The following ADORA1 variants were observed in gnomAD, a reference collection of about 807,000 sequenced individuals.
The protein encoded by ADORA1 is adenosine A1 receptor.
A neutral mutation model predicts 19.9 loss-of-function variants in ADORA1; 6 were observed. That is an observed-to-expected ratio of 0.30 (90% CI 0.17 to 0.59). The LOEUF (loss-of-function observed/expected upper bound fraction) is 0.59. Among genes scored for constraint, ADORA1 ranks in the 20% least tolerant of loss-of-function variants. The probability of loss-of-function intolerance (pLI) is 0.87; values close to 1 mark genes in which losing one functional copy is unlikely to be tolerated. For synonymous variants in ADORA1, 194 were observed against 188.4 expected, an observed-to-expected ratio of 1.03 and a Z score of -0.24; for missense variants, 302 against 439.2, an observed-to-expected ratio of 0.69 and a Z score of 2.79.
At chr1:203,149,713 C>T (rs1045445100) in intron 3 of ADORA1, among the ~76,000 whole-genome samples, 1 of 152,192 alleles carries the variant, frequency 6.6e-6, no homozygotes, top group Non-Finnish European at 1.5e-5. Context: ...GCTCTGCTGC[C>T]TGCCAGGGGG....
chr1:203,147,982 G>A (rs1654914928), intron 3 of ADORA1, among the ~76,000 whole-genome samples: 1 of 152,184 alleles, frequency 6.6e-6, no homozygotes, highest in Non-Finnish European at 1.5e-5. Flanking sequence ...ACTTTGGGAG[G>A]CCGAGGGAGG....
At chr1:203,133,504 G>A (rs12123037) in intron 3 of ADORA1, among the ~76,000 whole-genome samples, 27,981 of 152,258 alleles carry the variant, frequency 0.18, 3,214 homozygotes, top group East Asian at 0.35. Flanking sequence ...GGCAGAAGCA[G>A]GATTTGACTC....
At chr1:203,140,580 G>T (rs1412837075) in intron 3 of ADORA1, among the ~76,000 whole-genome samples, 6 of 152,158 alleles carry the variant, frequency 3.9e-5, no homozygotes. Flanking sequence ...GTGGTCAGGA[G>T]GAGGGGCTCT....
At position 203,165,912 on chromosome 1, in the gene ADORA1, C is replaced by T. The variant is rs141314109; in HGVS notation, c.*12C>T. On this transcript the variant is annotated 3_prime_UTR_variant, in exon 4 of 4. Coordinates refer to ENST00000337894, the MANE Select transcript of ADORA1 (RefSeq NM_000674.3). This position sits in a 1 kb window ranked among gnomAD's most constrained non-coding sequence, Gnocchi z 5.9. ...GGCCTGATGACTAGACCCCGCCTTC[C>T]GCTCCCACCAGCCCACATCCAGTGG... 7.0e-5 allele frequency: 108 copies of T among 1,539,846 alleles called. 1 individual carries two copies. The highest frequency in any genetic ancestry group is 5.6e-4 in the African/African-American group (41 of 72,962).
At position 203,165,759 on chromosome 1, in the gene ADORA1, C is replaced by G; in HGVS notation, c.840C>G (p.Asn280Lys). 6.2e-7 allele frequency: 1 copy of G among 1,614,014 alleles called. No homozygotes were observed. The highest frequency in any genetic ancestry group is 8.5e-7 in the Non-Finnish European group (1 of 1,179,888). The change falls in exon 4 of 4, where the codon AAC (asparagine) becomes AAG (lysine). Residue 280 changes from asparagine (N) to lysine (K), a missense_variant. Asn to Lys is a moderately conservative substitution (Grantham distance 94). Coordinates refer to ENST00000337894, the MANE Select transcript of ADORA1 (RefSeq NM_000674.3). The surrounding 1 kb of genome is among the most constrained non-coding windows in gnomAD (Gnocchi z 5.9). ...TYIAIFLTHG[N>K]SAMNPIVYAF... The stretch of plus-strand genomic sequence containing the variant: ...TTGCCATCTTCCTCACGCACGGCAA[C>G]TCGGCCATGAACCCCATTGTCTATG...
Position 203,165,026 on chromosome 1 carries a change from G to A in ADORA1, c.342-235G>A, listed in dbSNP as rs1199659952. 6.5e-7 allele frequency: 1 copy of A among 1,546,292 alleles called. No individual in the cohort carries two copies. Among genetic ancestry groups the A allele is most frequent in the Non-Finnish European group, 8.7e-7 (1 of 1,144,958 alleles). On this transcript the variant is annotated intron_variant, in intron 3 of 3. Transcript: ENST00000337894. The surrounding 1 kb of genome is among the most constrained non-coding windows in gnomAD (Gnocchi z 5.9). ...TCTGTGATTTTCTATTATTATTTTT[G>A]TCATTAATCAGGATTTCCTCTCTCT... is the stretch of plus-strand genomic sequence containing the variant.
At chr1:203,145,600 T>C (rs1654833679) in intron 3 of ADORA1, among the ~76,000 whole-genome samples, 1 of 152,178 alleles carries the variant, frequency 6.6e-6, no homozygotes, top group African/African-American at 2.4e-5. Context: ...GCTGAGCCAG[T>C]CTCCCAGTCC....
At chr1:203,153,382 G>A (rs181408632) in intron 3 of ADORA1, among the ~76,000 whole-genome samples, 1 of 152,204 alleles carries the variant, frequency 6.6e-6, no homozygotes, top group South Asian at 2.1e-4. Context: ...CCAGAATAGA[G>A]GGTGTTACTG....
At chr1:203,149,616 C>T (rs919504384) in intron 3 of ADORA1, among the ~76,000 whole-genome samples, 3 of 152,124 alleles carry the variant, frequency 2.0e-5, no homozygotes, top group East Asian at 1.9e-4. Flanking sequence ...CTTGAGATAT[C>T]GGGGCTGAGT....
intron 3 of ADORA1, among the ~76,000 whole-genome samples, chr1:203,141,891 A>G (rs1654708469): frequency 6.6e-6 from 1 of 152,100 alleles, no homozygotes; most frequent in Non-Finnish European, 1.5e-5. Flanking sequence ...CCTAACCTGG[A>G]TGTTTTTAAT....
In ADORA1 at chr1:203,166,321, A is replaced by G. The variant is rs1026935761; in HGVS notation, c.*421A>G. 1.8e-5 allele frequency: 3 copies of G among 165,194 alleles called. No individual in the cohort carries two copies. The highest frequency in any genetic ancestry group is 3.9e-5 in the Non-Finnish European group (3 of 77,288). The allele number at this position is 165,194 out of a possible 1,614,324, so 10.2% of individuals were successfully genotyped here. On this transcript the variant is annotated 3_prime_UTR_variant, in exon 4 of 4. Coordinates refer to ENST00000337894, the MANE Select transcript of ADORA1 (RefSeq NM_000674.3). ...TGCTTGTCTTAGATGTTGGTGGTGC[A>G]GCCCCAGGACCAAGCTTAAGGAGAG...
chr1:203,147,300 C>T (rs1033663224), intron 3 of ADORA1, among the ~76,000 whole-genome samples: 3 of 152,160 alleles, frequency 2.0e-5, no homozygotes, highest in African/African-American at 7.2e-5. Context: ...CTTCTCCCAT[C>T]CTGGTTCCTG....
At chr1:203,132,563 T>C (rs887164195) in intron 3 of ADORA1, among the ~76,000 whole-genome samples, 2 of 152,116 alleles carry the variant, frequency 1.3e-5, no homozygotes, top group African/African-American at 2.4e-5. Flanking sequence ...GGGTTGGAGG[T>C]GGGGCATGGT....
At chr1:203,139,712 C>T (rs1279342376) in intron 3 of ADORA1, among the ~76,000 whole-genome samples, 3 of 152,242 alleles carry the variant, frequency 2.0e-5, no homozygotes, top group African/African-American at 7.2e-5. Flanking sequence ...GCTCGGGTCT[C>T]TGCCCTCATG....
intron 3 of ADORA1, among the ~76,000 whole-genome samples, chr1:203,135,117 T>C (rs570057546): frequency 5.2e-4 from 79 of 152,300 alleles, no homozygotes; most frequent in African/African-American, 1.8e-3. Flanking sequence ...TTCTAGTCAA[T>C]GTCGCTCTTT....
chr1:203,139,590 A>G (rs532930500), intron 3 of ADORA1, among the ~76,000 whole-genome samples: 25 of 152,376 alleles, frequency 1.6e-4, no homozygotes, highest in African/African-American at 5.5e-4. Context: ...CTCACCAGCC[A>G]TGTTCAGCTG....
intron 3 of ADORA1, among the ~76,000 whole-genome samples, chr1:203,149,096 G>A (rs368149786): frequency 2.0e-5 from 3 of 151,968 alleles, no homozygotes; most frequent in Admixed American, 1.3e-4. Context: ...CAGGCTGGTC[G>A]CGAACTCTTG....
Position 203,165,959 on chromosome 1 carries a change from T to A in ADORA1, c.*59T>A, listed in dbSNP as rs1408296926. ...GTGGGGTCTCAGTCCAGTCCTCACA[T>A]GCCCGCTGTCCCAGGGGTCTCCCTG... is the stretch of plus-strand genomic sequence containing the variant. On this transcript the variant is annotated 3_prime_UTR_variant, in exon 4 of 4. Coordinates refer to ENST00000337894, the MANE Select transcript of ADORA1 (RefSeq NM_000674.3). The surrounding 1 kb of genome is among the most constrained non-coding windows in gnomAD (Gnocchi z 5.9). 6.7e-6 allele frequency: 10 copies of A among 1,501,460 alleles called. No homozygotes were observed. The highest frequency in any genetic ancestry group is 8.0e-6 in the Non-Finnish European group (9 of 1,130,226). The allele number at this position is 1,501,460 out of a possible 1,614,324, so 93.0% of individuals were successfully genotyped here. A position where few individuals can be genotyped will look rare whatever the true frequency, so the allele number is the denominator to read the frequency against.
intron 3 of ADORA1, among the ~76,000 whole-genome samples, chr1:203,148,970 C>T (rs1409245206): frequency 2.0e-5 from 3 of 152,248 alleles, no homozygotes; most frequent in Admixed American, 6.5e-5. Context: ...CTCCGCCGCC[C>T]GGGTTCAAGC....
Sources: gnomAD v4.1 joint callset for allele counts (sites outside exome capture counted in the v4.1 genomes callset) on GRCh38, gnomAD v4.1.1 for gene constraint, Gnocchi (gnomAD v3.1) non-coding constraint, MANE v1.5 for transcripts, NCBI Gene and HGNC (gene_info 2026-07-23, HGNC 2026-07-21) for gene names.